The following TSHZ2 variants were observed in gnomAD, a reference collection of about 807,000 sequenced individuals.
TSHZ2 encodes teashirt homolog 2.
In TSHZ2, 21 loss-of-function variants were observed where a neutral mutation model predicts 74.4. The ratio of observed to expected loss-of-function variants is 0.28; its 90% CI spans 0.20 to 0.41. The LOEUF (loss-of-function observed/expected upper bound fraction) is 0.41. Among genes scored for constraint, TSHZ2 ranks in the 10% least tolerant of loss-of-function variants. TSHZ2 has a pLI of 1.00. For synonymous variants in TSHZ2, 540 were observed against 515.3 expected (o/e 1.05, Z -0.65); for missense variants, 1,244 against 1,293.5 (o/e 0.96, Z 0.59).
intron 2 of TSHZ2, among the ~76,000 whole-genome samples, chr20:53,262,776 C>T (rs892080586): frequency 6.6e-6 from 1 of 152,214 alleles, no homozygotes; most frequent in Non-Finnish European, 1.5e-5. Flanking sequence ...TTTCCCGACT[C>T]TCTCCTGGAA....
intron 2 of TSHZ2, among the ~76,000 whole-genome samples, chr20:53,485,257 C>T (rs1296837582): frequency 6.6e-6 from 1 of 152,120 alleles, no homozygotes; most frequent in Non-Finnish European, 1.5e-5. Flanking sequence ...AAATTGCAAA[C>T]ATTAAATGTC....
At chr20:53,311,266 T>A (rs550855418) in intron 2 of TSHZ2, among the ~76,000 whole-genome samples, 5 of 152,356 alleles carry the variant, frequency 3.3e-5, no homozygotes, top group Admixed American at 2.0e-4. Flanking sequence ...TACATTACCT[T>A]GAACTGTAAT....
intron 1 of TSHZ2, among the ~76,000 whole-genome samples, chr20:53,141,314 TCA>T (rs1291247208): frequency 6.6e-6 from 1 of 152,194 alleles, no homozygotes; most frequent in African/African-American, 2.4e-5. Context: ...GCCCAGGGCA[TCA>T]TTAGTATCCT....
chr20:53,367,692 T>C (rs6097375), intron 2 of TSHZ2, among the ~76,000 whole-genome samples: 18,413 of 151,822 alleles, frequency 0.12, 2,861 homozygotes, highest in African/African-American at 0.36. Context: ...TGCCTCAGCC[T>C]CCCGAGGAGC....
At chr20:53,048,357 C>G (rs1984305582) in intron 1 of TSHZ2, among the ~76,000 whole-genome samples, 1 of 152,102 alleles carries the variant, frequency 6.6e-6, no homozygotes, top group Non-Finnish European at 1.5e-5. Flanking sequence ...GCCGGAACTG[C>G]TTTTCTTCAA....
At chr20:53,001,230 G>GTA (rs1555813623) in intron 1 of TSHZ2, among the ~76,000 whole-genome samples, 6,467 of 126,030 alleles carry the variant, frequency 0.051, 165 homozygotes, top group East Asian at 0.067. Context: ...GTGTGTGTGT[G>GTA]TGTGTGTGTG....
chr20:53,364,139 T>G (rs1387509171), intron 2 of TSHZ2, among the ~76,000 whole-genome samples: 1 of 151,948 alleles, frequency 6.6e-6, no homozygotes, highest in Non-Finnish European at 1.5e-5. Context: ...CACTCAGCAT[T>G]AAGGTCGAGG....
chr20:53,187,151 C>G (rs1304118957), intron 1 of TSHZ2, among the ~76,000 whole-genome samples: 1 of 152,110 alleles, frequency 6.6e-6, no homozygotes, highest in East Asian at 1.9e-4. Context: ...CGCCGCACGT[C>G]TGGGGGCTAC....
intron 1 of TSHZ2, among the ~76,000 whole-genome samples, chr20:53,098,595 C>T (rs1396097640): frequency 6.6e-6 from 1 of 152,094 alleles, no homozygotes; most frequent in East Asian, 1.9e-4. Context: ...CATTTGAATC[C>T]ACTGTGTGAT....
chr20:53,287,861 T>C (rs530827794), intron 2 of TSHZ2, among the ~76,000 whole-genome samples: 2 of 152,294 alleles, frequency 1.3e-5, no homozygotes, highest in Admixed American at 1.3e-4. Flanking sequence ...CAGCTTTTTT[T>C]CCCCTCCAAG....
chr20:53,345,921 C>A (rs1278333816), intron 2 of TSHZ2, among the ~76,000 whole-genome samples: 1 of 152,140 alleles, frequency 6.6e-6, no homozygotes, highest in Non-Finnish European at 1.5e-5. Flanking sequence ...ATGGCGCTGG[C>A]AAGAGCATGC....
At chr20:53,029,413 C>T (rs1983557005) in intron 1 of TSHZ2, among the ~76,000 whole-genome samples, 1 of 152,208 alleles carries the variant, frequency 6.6e-6, no homozygotes, top group Admixed American at 6.5e-5. Flanking sequence ...CAGTGGCTCA[C>T]ACCTGTAATC....
At chr20:53,282,728 T>A (rs1345624455) in intron 2 of TSHZ2, among the ~76,000 whole-genome samples, 2 of 152,208 alleles carry the variant, frequency 1.3e-5, no homozygotes, top group South Asian at 2.1e-4. Context: ...GACTGGTGAT[T>A]CGAAGGAATA....
At chr20:53,146,687 A>G (rs545907536) in intron 1 of TSHZ2, among the ~76,000 whole-genome samples, 1 of 152,338 alleles carries the variant, frequency 6.6e-6, no homozygotes, top group African/African-American at 2.4e-5. Context: ...GAAAAGTCCT[A>G]TAACAGCATA....
At chr20:52,985,313 T>C (rs1277563427) in intron 1 of TSHZ2, among the ~76,000 whole-genome samples, 1 of 152,182 alleles carries the variant, frequency 6.6e-6, no homozygotes, top group African/African-American at 2.4e-5. Flanking sequence ...ATTTCATAGG[T>C]TTTTTATGAG....
chr20:52,977,421 TACACACACACACAC>T (rs36230826), intron 1 of TSHZ2, among the ~76,000 whole-genome samples: 4,227 of 141,460 alleles, frequency 0.03, 192 homozygotes, highest in African/African-American at 0.1. Context: ...AATGGAAAAA[TACACACACACACAC>T]ACACACACAC....
At chr20:53,182,789 C>G (rs1349844720) in intron 1 of TSHZ2, among the ~76,000 whole-genome samples, 2 of 152,154 alleles carry the variant, frequency 1.3e-5, no homozygotes, top group Non-Finnish European at 2.9e-5. Flanking sequence ...TTCATTCTCT[C>G]TCTGTGTGTC....
intron 2 of TSHZ2, among the ~76,000 whole-genome samples, chr20:53,287,204 C>T (rs193198927): frequency 1.3e-5 from 2 of 152,144 alleles, no homozygotes; most frequent in African/African-American, 2.4e-5. Flanking sequence ...CAAAAATAGA[C>T]ATAATAATGA....
intron 2 of TSHZ2, among the ~76,000 whole-genome samples, chr20:53,329,670 C>T (rs535394277): frequency 2.5e-4 from 38 of 150,212 alleles, no homozygotes; most frequent in African/African-American, 8.6e-4. Context: ...CGGGGGAGGG[C>T]GTAAAAAGAG....
Sources: gnomAD v4.1 joint callset for allele counts (sites outside exome capture counted in the v4.1 genomes callset) on GRCh38, gnomAD v4.1.1 for gene constraint, MANE v1.5 for transcripts, NCBI Gene and HGNC (gene_info 2026-07-23, HGNC 2026-07-21) for gene names.